Variants in EDA observed in about 807,000 individuals in gnomAD.
EDA encodes ectodysplasin-A.
In EDA, 2 loss-of-function variants were observed where a neutral mutation model predicts 23.6. That is an observed-to-expected ratio of 0.08 (90% confidence interval 0.03 to 0.27). The LOEUF is 0.27. Among genes scored for constraint, EDA ranks in the 10% least tolerant of loss-of-function variants. EDA has a pLI of 1.00. For synonymous variants in EDA, 131 were observed against 132.0 expected, an observed-to-expected ratio of 0.99 and a Z score of 0.05; for missense variants, 229 against 324.2, an observed-to-expected ratio of 0.71 and a Z score of 2.26.
chrX:70,018,753 A>T (rs766380603), intron 2 of EDA, among the ~76,000 whole-genome samples: 171 of 111,807 alleles, frequency 1.5e-3, no homozygotes, highest in African/African-American at 5.3e-3. Context: ...AATCTAGGAA[A>T]TACCATTCTA....
At chrX:69,755,236 T>C (rs2014068055) in intron 1 of EDA, among the ~76,000 whole-genome samples, 1 of 111,597 alleles carries the variant, frequency 9.0e-6, no homozygotes, top group Non-Finnish European at 1.9e-5. Context: ...ACAGATAGGG[T>C]TTTGGTGTGG....
chrX:69,936,582 C>T (rs1451466292), intron 1 of EDA, among the ~76,000 whole-genome samples: 1 of 111,576 alleles, frequency 9.0e-6, no homozygotes, highest in Non-Finnish European at 1.9e-5. Context: ...GGGTCAAAAC[C>T]GAGTAAATGC....
Position 69,888,977 on chromosome X carries a change from GTTATATATATATATATAT to G in EDA, c.397-68049_397-68032del, listed in dbSNP as rs1255477268. Among the ~76,000 whole-genome samples the G allele has an allele frequency of 4.3e-3, 57 of 13,239 alleles. 1 individual carries two copies. The highest frequency in any genetic ancestry group is 0.028 in the Admixed American group (19 of 668). 11.5% of individuals were successfully genotyped at this position (13,239 alleles called of 115,157 possible). On this transcript the variant is annotated intron_variant, in intron 1 of 7. Coordinates refer to ENST00000374552, the MANE Select transcript of EDA (RefSeq NM_001399.5). The stretch of plus-strand genomic sequence containing the variant: ...AGTGGAATTGTTGTATTGTGGGGTA[GTTATATATATATATATAT>G]ATATATATATATATATATATATATA...
At chrX:69,946,005 A>G (rs1480488084) in intron 1 of EDA, among the ~76,000 whole-genome samples, 1 of 112,181 alleles carries the variant, frequency 8.9e-6, no homozygotes, top group East Asian at 2.8e-4. Flanking sequence ...CCAAGCTAGC[A>G]GAGAACAGCA....
At chrX:69,876,446 T>TA (rs1240325710) in intron 1 of EDA, among the ~76,000 whole-genome samples, 1 of 110,329 alleles carries the variant, frequency 9.1e-6, no homozygotes. Flanking sequence ...TAAAAAATAA[T>TA]AAAAAAAGAA....
chrX:69,789,000 C>T lies in EDA; in HGVS notation c.397-168027C>T, dbSNP rs902946244. Reference sequence around the variant, plus strand: ...TGCGGGATATAATCTCGTGGTGCCCCGTTTTTTTAGCCTGTCGGAAAAGCG... The same window carrying T: ...TGCGGGATATAATCTCGTGGTGCCCTGTTTTTTTAGCCTGTCGGAAAAGCG... On this transcript the variant is annotated intron_variant, in intron 1 of 7. Transcript: ENST00000374552. 6.2e-5 allele frequency among the ~76,000 whole-genome samples: 7 copies of T among 112,716 alleles called. No individual in the cohort carries two copies. The South Asian group carries it at 1.1e-3, about 18-fold the overall frequency.
intron 1 of EDA, among the ~76,000 whole-genome samples, chrX:69,809,572 G>C (rs889109533): frequency 8.9e-6 from 1 of 111,758 alleles, no homozygotes; most frequent in African/African-American, 3.3e-5. Context: ...GAGGAATTTA[G>C]GCAAGGTAAA....
chrX:69,869,804 G>A (rs1178070867), intron 1 of EDA, among the ~76,000 whole-genome samples: 6 of 111,987 alleles, frequency 5.4e-5, no homozygotes, highest in Admixed American at 1.9e-4. Context: ...GTGCTGTCAC[G>A]TGGCCGCTGC....
intron 1 of EDA, among the ~76,000 whole-genome samples, chrX:69,862,745 AG>A (rs2017406633): frequency 9.0e-6 from 1 of 111,637 alleles, no homozygotes; most frequent in Non-Finnish European, 1.9e-5. Flanking sequence ...TGCCTGGCCA[AG>A]AACATATTTT....
At chrX:69,751,792 T>G (rs2804377) in intron 1 of EDA, among the ~76,000 whole-genome samples, 38,803 of 96,779 alleles carry the variant, frequency 0.4, 5,196 homozygotes, top group Middle Eastern at 0.63. Context: ...GAAGCAATTG[T>G]GAATGGGAGT....
intron 1 of EDA, among the ~76,000 whole-genome samples, chrX:69,626,698 A>T (rs1311044586): frequency 9.0e-6 from 1 of 111,644 alleles, no homozygotes; most frequent in African/African-American, 3.3e-5. Flanking sequence ...GGATGAAAAT[A>T]TTCTAAAACT....
chrX:69,671,991 A>G (rs1009495393), intron 1 of EDA, among the ~76,000 whole-genome samples: 2 of 112,134 alleles, frequency 1.8e-5, no homozygotes, highest in African/African-American at 6.5e-5. Flanking sequence ...CAGGTCTTAA[A>G]TATCCCCTAT....
chrX:69,812,399 G>A (rs1347094426), intron 1 of EDA, among the ~76,000 whole-genome samples: 1 of 112,566 alleles, frequency 8.9e-6, no homozygotes, highest in Non-Finnish European at 1.9e-5. Context: ...TGAGACCTCT[G>A]GTCTGCATCA....
chrX:69,674,154 A>G (rs1357224738), intron 1 of EDA, among the ~76,000 whole-genome samples: 1 of 109,449 alleles, frequency 9.1e-6, no homozygotes, highest in African/African-American at 3.4e-5. Context: ...TATCATCATA[A>G]TACATAGCTT....
chrX:69,916,939 T>TTTG (rs767607738), intron 1 of EDA, among the ~76,000 whole-genome samples: 4 of 110,604 alleles, frequency 3.6e-5, no homozygotes, highest in Admixed American at 9.7e-5. Flanking sequence ...AACTCATTTT[T>TTTG]TTGTTGTTGT....
intron 1 of EDA, among the ~76,000 whole-genome samples, chrX:69,815,991 G>T (rs2016073120): frequency 9.0e-6 from 1 of 111,592 alleles, no homozygotes; most frequent in South Asian, 3.8e-4. Flanking sequence ...ACCAGAGGAA[G>T]GGGGTGGCTG....
At chrX:69,871,912 A>G (rs762240545) in intron 1 of EDA, among the ~76,000 whole-genome samples, 4 of 112,287 alleles carry the variant, frequency 3.6e-5, no homozygotes, top group East Asian at 5.6e-4. Flanking sequence ...TGGGAAATTC[A>G]TCACAAAAAG....
intron 2 of EDA, among the ~76,000 whole-genome samples, chrX:69,992,697 A>G (rs1285619075): frequency 8.9e-6 from 1 of 111,810 alleles, no homozygotes; most frequent in Non-Finnish European, 1.9e-5. Context: ...TATATACAGC[A>G]TGAACTTTGT....
chrX:69,708,375 T>C, intron 1 of EDA, among the ~76,000 whole-genome samples: 1 of 111,380 alleles, frequency 9.0e-6, no homozygotes, highest in East Asian at 2.8e-4. Flanking sequence ...ACTCAGCTAT[T>C]TGTTACAAAA....
Sources: allele counts gnomAD v4.1 joint callset (sites outside exome capture counted in the v4.1 genomes callset), GRCh38; gene constraint gnomAD v4.1.1; transcripts MANE v1.5; gene names NCBI Gene and HGNC (gene_info 2026-07-23, HGNC 2026-07-21).